PTGFRN: variants seen among roughly 807,000 people sequenced by gnomAD.
PTGFRN encodes the protein prostaglandin F2 receptor inhibitor.
PTGFRN carries 35 observed loss-of-function variants against 83.2 expected under a neutral mutation model. The observed-to-expected ratio is 0.42, with a 90% CI of 0.32 to 0.56. PTGFRN has a LOEUF of 0.56. Ranked by LOEUF, PTGFRN falls within the 20% of genes least tolerant of loss-of-function variation. PTGFRN has a pLI of 0.11. For synonymous variants in PTGFRN, 519 were observed against 498.6 expected, an observed-to-expected ratio of 1.04 and a Z score of -0.55; for missense variants, 1,051 against 1,179.5, an observed-to-expected ratio of 0.89 and a Z score of 1.60.
chr1:116,964,464 C>T (rs1206733625), intron 5 of PTGFRN, among the ~76,000 whole-genome samples: 8 of 152,160 alleles, frequency 5.3e-5, no homozygotes, highest in African/African-American at 2.4e-5. Context: ...TTTCTGGCTT[C>T]TGTTCATTTT....
At chr1:116,953,338 G>A (rs1650394903) in intron 4 of PTGFRN, among the ~76,000 whole-genome samples, 1 of 152,210 alleles carries the variant, frequency 6.6e-6, no homozygotes, top group Non-Finnish European at 1.5e-5. Context: ...ATTTAGACCT[G>A]TAGGTTTTTT....
In PTGFRN at chr1:116,973,599, A is replaced by T. The variant is rs558543709; in HGVS notation, c.2060-617A>T. On this transcript the variant is annotated intron_variant, in intron 6 of 8. Transcript: ENST00000393203. ...CAGCCTGCGTGACAGAGCAAGACTC[A>T]ATCTCAAAAAAAAAAAAAAAAAAAG... 1.1e-4 allele frequency among the ~76,000 whole-genome samples: 14 copies of T among 130,430 alleles called. No homozygotes were observed. In the South Asian group the frequency reaches 3.4e-3, roughly 32 times the overall value. 85.6% of individuals were successfully genotyped at this position (130,430 alleles called of 152,430 possible).
At chr1:116,977,365 AGT>A in intron 7 of PTGFRN, among the ~76,000 whole-genome samples, 1 of 152,336 alleles carries the variant, frequency 6.6e-6, no homozygotes, top group East Asian at 1.9e-4. Context: ...CTCTGCACCA[AGT>A]GGACCTAATA....
rs1447677429 is a variant in PTGFRN at position 116,918,387 on chromosome 1, G to T, written c.49+8135G>T. Among the ~76,000 whole-genome samples, 1 of 152,180 alleles carries T rather than the reference G, an allele frequency of 6.6e-6. No homozygotes were observed. Among genetic ancestry groups the T allele is most frequent in the Admixed American group, 6.5e-5 (1 of 15,284 alleles). ...AAGATTAAAAACAATATATTTAGAAGAATGCAAACATTAGTGTATGTAAGT... is the reference window on the plus strand; with the variant it reads ...AAGATTAAAAACAATATATTTAGAATAATGCAAACATTAGTGTATGTAAGT... On this transcript the variant is annotated intron_variant, in intron 1 of 8. Coordinates refer to ENST00000393203, the MANE Select transcript of PTGFRN (RefSeq NM_020440.4). The surrounding 1 kb of genome is among the most constrained non-coding windows in gnomAD (Gnocchi z 4.1).
chr1:116,938,151 G>C (rs1271508447), intron 1 of PTGFRN, among the ~76,000 whole-genome samples: 1 of 152,132 alleles, frequency 6.6e-6, no homozygotes, highest in Non-Finnish European at 1.5e-5. Context: ...GTCACTGCTG[G>C]GTAGTGATAT....
chr1:116,943,024 A>ATTTTAT (rs1650098585), intron 2 of PTGFRN, among the ~76,000 whole-genome samples: 1 of 152,210 alleles, frequency 6.6e-6, no homozygotes, highest in African/African-American at 2.4e-5. Flanking sequence ...TTAATTATGC[A>ATTTTAT]TTTATTTGTA....
At position 116,909,991 on chromosome 1, in the gene PTGFRN, A is replaced by AGGAGGGAGGGAAGGAGGCG; in HGVS notation, c.-204_-186dup. 3.5e-6 allele frequency: 2 copies of AGGAGGGAGGGAAGGAGGCG among 572,834 alleles called. No individual in the cohort carries two copies. Among genetic ancestry groups the AGGAGGGAGGGAAGGAGGCG allele is most frequent in the Admixed American group, 2.8e-5 (1 of 35,676 alleles). The allele number at this position is 572,834 out of a possible 1,614,324, so 35.5% of individuals were successfully genotyped here. A position where few individuals can be genotyped will look rare whatever the true frequency, so the allele number is the denominator to read the frequency against. On this transcript the variant is annotated 5_prime_UTR_variant, in exon 1 of 9. Transcript: ENST00000393203. ...CCGGCTCCCGGGCCCGGCCGGCTGGAGGAGGGAGGGAAGGAGGCGGGAGGG... is the reference window on the plus strand; with the variant it reads ...CCGGCTCCCGGGCCCGGCCGGCTGGAGGAGGGAGGGAAGGAGGCGGGAGGGAGGGAAGGAGGCGGGAGGG...
At chr1:116,960,569 C>G (rs116016203) in intron 4 of PTGFRN, among the ~76,000 whole-genome samples, 3,439 of 152,264 alleles carry the variant, frequency 0.023, 146 homozygotes, top group African/African-American at 0.079. Flanking sequence ...TTCACAGTGA[C>G]ACAGGTGAGT....
At position 116,961,755 on chromosome 1, in the gene PTGFRN, G is replaced by A; in HGVS notation, c.1639+87G>A. On this transcript the variant is annotated intron_variant, in intron 5 of 8. Transcript: ENST00000393203. This position sits in a 1 kb window ranked among gnomAD's most constrained non-coding sequence, Gnocchi z 5.4. ...TGTTGATGCACAGTCACCCTCTGCA[G>A]GTTATCACTTACACTAGGAATGTGT... 7.9e-7 allele frequency: 1 copy of A among 1,263,614 alleles called. No homozygotes were observed. The highest frequency in any genetic ancestry group is 1.1e-6 in the Non-Finnish European group (1 of 917,210). 78.3% of individuals were successfully genotyped at this position (1,263,614 alleles called of 1,614,324 possible).
intron 1 of PTGFRN, among the ~76,000 whole-genome samples, chr1:116,933,344 C>A (rs975854062): frequency 1.3e-5 from 2 of 151,850 alleles, no homozygotes; most frequent in Non-Finnish European, 2.9e-5. Flanking sequence ...GATCCTTTTA[C>A]CACTTCCAGG....
intron 7 of PTGFRN, 39 bp from the exon 8 acceptor site, chr1:116,984,641 A>G (rs373541439): frequency 1.3e-6 from 2 of 1,594,230 alleles, no homozygotes; most frequent in African/African-American, 2.7e-5. Context: ...ACTTCTGCCC[A>G]TTGCACTGAC....
intron 1 of PTGFRN, among the ~76,000 whole-genome samples, chr1:116,928,887 C>T (rs2247025): frequency 0.11 from 16,390 of 152,106 alleles, 2,967 homozygotes; most frequent in African/African-American, 0.37. Context: ...ATTCTTTCCC[C>T]AAGTGACCCC....
At chr1:116,928,285 C>T (rs114966003) in intron 1 of PTGFRN, among the ~76,000 whole-genome samples, 2,444 of 152,358 alleles carry the variant, frequency 0.016, 61 homozygotes, top group African/African-American at 0.056. Context: ...TCTGTGACCA[C>T]AACCTCCTTG....
intron 8 of PTGFRN, 71 bp downstream of exon 8, chr1:116,985,056 A>G: frequency 6.7e-7 from 1 of 1,503,482 alleles, no homozygotes. Context: ...AGCTGACAGA[A>G]CCCAGGTGGC....
chr1:116,975,766 A>T (rs1287839127), intron 7 of PTGFRN, among the ~76,000 whole-genome samples: 2 of 152,156 alleles, frequency 1.3e-5, no homozygotes, highest in Non-Finnish European at 1.5e-5. Context: ...AACCACAAAG[A>T]TGGGGAAAAA....
chr1:116,985,720 A>AG (rs1557752328), intron 8 of PTGFRN, among the ~76,000 whole-genome samples: 2 of 151,038 alleles, frequency 1.3e-5, no homozygotes, highest in African/African-American at 4.9e-5. Flanking sequence ...AAAAAAAAAA[A>AG]AGAGACTCCT....
intron 1 of PTGFRN, among the ~76,000 whole-genome samples, chr1:116,930,234 A>G (rs538409553): frequency 3.3e-5 from 5 of 152,324 alleles, no homozygotes; most frequent in Admixed American, 1.3e-4. Context: ...AAATTCTTGC[A>G]TCCCTTGGCT....
chr1:116,941,691 G>A lies in PTGFRN; in HGVS notation c.50-24G>A, dbSNP rs779098541. The A allele has an allele frequency of 1.3e-6, 2 of 1,586,854 alleles. No homozygotes were observed. The highest frequency in any genetic ancestry group is 1.1e-5 in the South Asian group (1 of 87,014). On this transcript the variant is annotated intron_variant, in intron 1 of 8. Coordinates refer to ENST00000393203, the MANE Select transcript of PTGFRN (RefSeq NM_020440.4). The surrounding 1 kb of genome is among the most constrained non-coding windows in gnomAD (Gnocchi z 5.0). ...GAAGACTTTCTGTGATTAAAGACCT[G>A]CCTTTCATCTTTTATCATTGCAGCT...
chr1:116,910,975 A>G (rs557193283), intron 1 of PTGFRN, among the ~76,000 whole-genome samples: 1 of 151,592 alleles, frequency 6.6e-6, no homozygotes, highest in Non-Finnish European at 1.5e-5. Flanking sequence ...CTCGTCTTCC[A>G]CCCTCCGGAA....
Sources: gnomAD v4.1 joint callset for allele counts (sites outside exome capture counted in the v4.1 genomes callset) on GRCh38, gnomAD v4.1.1 for gene constraint, Gnocchi (gnomAD v3.1) non-coding constraint, MANE v1.5 for transcripts, NCBI Gene and HGNC (gene_info 2026-07-23, HGNC 2026-07-21) for gene names.